The following INTU variants were observed in gnomAD, a reference collection of about 807,000 sequenced individuals.
The protein encoded by INTU is protein inturned.
INTU carries 68 observed loss-of-function variants against 100.5 expected under a neutral mutation model. That is an observed-to-expected ratio of 0.68 (90% CI 0.56 to 0.83). The LOEUF (loss-of-function observed/expected upper bound fraction) is 0.83, where lower values mean the gene tolerates loss of function less well. INTU is among the 40% of genes least tolerant of loss of function. INTU has a pLI of 0.00. For missense variants in INTU, 1,071 were observed against 1,114.7 expected, an observed-to-expected ratio of 0.96 and a Z score of 0.56; for synonymous variants, 357 against 395.7, an observed-to-expected ratio of 0.90 and a Z score of 1.16.
At chr4:127,671,646 A>G (rs1237036634) in intron 5 of INTU, among the ~76,000 whole-genome samples, 4 of 152,064 alleles carry the variant, frequency 2.6e-5, no homozygotes, top group Non-Finnish European at 4.4e-5. Context: ...CATTATATCA[A>G]AAAGGTACCT....
At chr4:127,634,842 C>T (rs1341781372) in intron 1 of INTU, among the ~76,000 whole-genome samples, 12 of 152,134 alleles carry the variant, frequency 7.9e-5, no homozygotes, top group Admixed American at 5.9e-4. Flanking sequence ...GGCTTATGTT[C>T]GGTTCTTCCC....
chr4:127,719,027 T>C lies in INTU; in HGVS notation c.*2591T>C, dbSNP rs1053711472. The C allele has an allele frequency of 6.6e-6, 1 of 151,546 alleles. No individual in the cohort carries two copies. The highest frequency in any genetic ancestry group is 1.5e-5 in the Non-Finnish European group (1 of 67,642). The allele number at this position is 151,546 out of a possible 1,614,324, so 9.4% of individuals were successfully genotyped here. On this transcript the variant is annotated 3_prime_UTR_variant, in exon 16 of 16. Transcript: ENST00000335251. ...CCAGGACTTCCAATACTATGTTGAA[T>C]AGTGGTGAGAGAGGTCATCCTTGTC...
At chr4:127,645,647 A>G (rs1387699350) in intron 2 of INTU, among the ~76,000 whole-genome samples, 8 of 151,272 alleles carry the variant, frequency 5.3e-5, no homozygotes, top group Non-Finnish European at 1.2e-4. Context: ...TTCAACCTCT[A>G]CCTCCCGGGT....
chr4:127,711,434 G>T (rs1041631635), intron 14 of INTU, among the ~76,000 whole-genome samples: 5 of 151,718 alleles, frequency 3.3e-5, no homozygotes, highest in African/African-American at 1.2e-4. Context: ...TCTACCAATT[G>T]GTTCCTAAAA....
At chr4:127,693,572 C>T (rs1730250429) in intron 8 of INTU, among the ~76,000 whole-genome samples, 1 of 151,966 alleles carries the variant, frequency 6.6e-6, no homozygotes, top group South Asian at 2.1e-4. Flanking sequence ...ATTTTTTTAT[C>T]TTGTCTGATT....
chr4:127,712,260 G>A (rs552990496), intron 14 of INTU, among the ~76,000 whole-genome samples: 1 of 152,202 alleles, frequency 6.6e-6, no homozygotes, highest in South Asian at 2.1e-4. Context: ...GTAAAATTCT[G>A]TGTCTTGTAG....
chr4:127,655,122 A>T (rs1002064455), intron 2 of INTU, among the ~76,000 whole-genome samples: 7 of 151,918 alleles, frequency 4.6e-5, no homozygotes, highest in South Asian at 2.1e-4. Context: ...TTATACATTC[A>T]TCTAAATTTT....
At chr4:127,665,275 TTA>T (rs1429291321) in intron 4 of INTU, among the ~76,000 whole-genome samples, 26 of 149,874 alleles carry the variant, frequency 1.7e-4, no homozygotes, top group Admixed American at 6.0e-4. Flanking sequence ...TTGCATATAT[TTA>T]TATGTTTGTT....
intron 9 of INTU, among the ~76,000 whole-genome samples, chr4:127,701,583 G>A (rs1730651405): frequency 6.6e-6 from 1 of 152,072 alleles, no homozygotes. Flanking sequence ...ATTCTGAAGT[G>A]TTTACAGATG....
In INTU at chr4:127,720,388, C is replaced by T. The variant is rs531274440; in HGVS notation, c.*3952C>T. 1 of 152,246 alleles carries T rather than the reference C, an allele frequency of 6.6e-6. No homozygotes were observed. The highest frequency in any genetic ancestry group is 2.4e-5 in the African/African-American group (1 of 41,548). 9.4% of individuals were successfully genotyped at this position (152,246 alleles called of 1,614,324 possible). A position where few individuals can be genotyped will look rare whatever the true frequency, so the allele number is the denominator to read the frequency against. The stretch of plus-strand genomic sequence containing the variant: ...GTTCTTTAGCATTTGCTGAGGAGTG[C>T]TTTACTTCTAATTGTGTGATCAATT... On this transcript the variant is annotated 3_prime_UTR_variant, in exon 16 of 16. Transcript: ENST00000335251.
intron 1 of INTU, among the ~76,000 whole-genome samples, chr4:127,641,829 G>A (rs568110103): frequency 2.0e-5 from 3 of 152,198 alleles, no homozygotes; most frequent in South Asian, 4.1e-4. Context: ...TGGCCACCAC[G>A]TGCATGGATC....
chr4:127,640,836 T>C (rs1366405860), intron 1 of INTU, among the ~76,000 whole-genome samples: 3 of 151,902 alleles, frequency 2.0e-5, no homozygotes, highest in African/African-American at 7.3e-5. Context: ...TAACCCTATA[T>C]GTGTTTTTAT....
At chr4:127,706,997 C>T in intron 12 of INTU, 28 bp downstream of exon 12, 1 of 1,581,872 alleles carries the variant, frequency 6.3e-7, no homozygotes, top group South Asian at 1.2e-5. Context: ...TGTGTATGTT[C>T]TGGGAGCTAA....
Position 127,708,460 on chromosome 4 carries a change from G to A in INTU, c.2272-111G>A, listed in dbSNP as rs559640256. ...TTAGCATCAAAAATATTTAAAGGAAGCATTGCAAATGGTAAGTAGTTCCCT... is the reference window on the plus strand; with the variant it reads ...TTAGCATCAAAAATATTTAAAGGAAACATTGCAAATGGTAAGTAGTTCCCT... On this transcript the variant is annotated intron_variant, in intron 12 of 15. Transcript: ENST00000335251. 117 of 614,478 alleles carry A rather than the reference G, an allele frequency of 1.9e-4. No individual in the cohort carries two copies. In the African/African-American group the frequency reaches 2.0e-3, roughly 10 times the overall value. The allele number at this position is 614,478 out of a possible 1,614,324, so 38.1% of individuals were successfully genotyped here.
intron 5 of INTU, 58 bp from the exon 6 acceptor site, chr4:127,674,066 T>C: frequency 8.9e-7 from 1 of 1,124,112 alleles, no homozygotes; most frequent in Non-Finnish European, 1.3e-6. Context: ...GAATTATACT[T>C]ATAATTTTAT....
intron 3 of INTU, among the ~76,000 whole-genome samples, chr4:127,662,564 G>A (rs192813024): frequency 6.6e-6 from 1 of 152,170 alleles, no homozygotes; most frequent in East Asian, 1.9e-4. Context: ...CTTTTCCAAG[G>A]ATAGGTAATT....
At chr4:127,641,285 G>A (rs1727322546) in intron 1 of INTU, among the ~76,000 whole-genome samples, 1 of 152,042 alleles carries the variant, frequency 6.6e-6, no homozygotes, top group South Asian at 2.1e-4. Context: ...CTTCTTACCT[G>A]CACTACAAAA....
chr4:127,658,060 A>G (rs1206572511), intron 3 of INTU, among the ~76,000 whole-genome samples: 1 of 152,174 alleles, frequency 6.6e-6, no homozygotes, highest in Non-Finnish European at 1.5e-5. Flanking sequence ...AGAATCCCTG[A>G]TAAATCAGAA....
At position 127,722,071 on chromosome 4, in the gene INTU, C is replaced by T. The variant is rs1369936576; in HGVS notation, c.*5635C>T. On this transcript the variant is annotated 3_prime_UTR_variant, in exon 16 of 16. Coordinates refer to ENST00000335251, the MANE Select transcript of INTU (RefSeq NM_015693.4). ...GCTTTCTGAGTTTTCCGTATCCTTG[C>T]ATTCTTTCTCATCTTCATGGGTTTA... 1.3e-5 allele frequency: 2 copies of T among 152,324 alleles called. No homozygotes were observed. Among genetic ancestry groups the T allele is most frequent in the East Asian group, 3.9e-4 (2 of 5,180 alleles). 9.4% of individuals were successfully genotyped at this position (152,324 alleles called of 1,614,324 possible).
Sources: gnomAD v4.1 joint callset for allele counts (sites outside exome capture counted in the v4.1 genomes callset) on GRCh38, gnomAD v4.1.1 for gene constraint, MANE v1.5 for transcripts, NCBI Gene and HGNC (gene_info 2026-07-23, HGNC 2026-07-21) for gene names.